Variants in LILRB1 observed in about 807,000 individuals in gnomAD.
LILRB1 encodes the protein leukocyte immunoglobulin-like receptor subfamily B member 1.
In LILRB1, 59 loss-of-function variants were observed where a neutral mutation model predicts 74.6. The observed-to-expected ratio is 0.79, with a 90% CI of 0.64 to 0.98. The LOEUF is 0.98. Ranked by LOEUF, LILRB1 falls within the 50% of genes least tolerant of loss-of-function variation. The pLI is 0.00. For synonymous variants in LILRB1, 328 were observed against 333.9 expected (o/e 0.98, Z 0.19); for missense variants, 804 against 822.6 (o/e 0.98, Z 0.28).
chr19:54,624,644 C>A (rs1298810093), intron 1 of LILRB1, among the ~76,000 whole-genome samples: 2 of 152,082 alleles, frequency 1.3e-5, no homozygotes, highest in East Asian at 1.9e-4. Context: ...TAGGAAAGGG[C>A]AGGTAGTTCC....
chr19:54,634,632 G>T lies in LILRB1; in HGVS notation c.1364-9G>T. The T allele has an allele frequency of 1.2e-6, 2 of 1,610,732 alleles. No individual in the cohort carries two copies. Among genetic ancestry groups the T allele is most frequent in the South Asian group, 2.2e-5 (2 of 90,728 alleles). On this transcript the variant is annotated splice_polypyrimidine_tract_variant and intron_variant, in intron 9 of 14. Coordinates refer to ENST00000324602, the MANE Select transcript of LILRB1 (RefSeq NM_001081637.3). ...CATCACCCCCATCCCTGACATCATC[G>T]TGCTCAAGGTCTGGGAAGGCACCTG...
rs1788886927 is a variant in LILRB1 at position 54,636,635 on chromosome 19, A to G, written c.1795A>G (p.Arg599Gly). 1.9e-6 allele frequency: 3 copies of G among 1,610,754 alleles called. No homozygotes were observed. Among genetic ancestry groups the G allele is most frequent in the Non-Finnish European group, 2.5e-6 (3 of 1,178,900 alleles). ...DTKDRQAEEDRQMDTEAAASE... is the reference protein window; with the variant it reads ...DTKDRQAEEDGQMDTEAAASE... Reference sequence around the variant, plus strand: ...AAAGGACAGACAGGCGGAAGAGGACAGGCAGATGGACACTGAGGTGAGTCC... The same window carrying G: ...AAAGGACAGACAGGCGGAAGAGGACGGGCAGATGGACACTGAGGTGAGTCC... The change falls in exon 14 of 15, where the codon AGG (arginine) becomes GGG (glycine). Residue 599 changes from arginine to glycine, a missense_variant. Arg to Gly is a moderately radical substitution (Grantham distance 125). Coordinates refer to ENST00000324602, the MANE Select transcript of LILRB1 (RefSeq NM_001081637.3).
rs1307862045 is a variant in LILRB1, at chr19:54,637,755, G to C, written c.*877G>C. On this transcript the variant is annotated 3_prime_UTR_variant, in exon 15 of 15. Transcript: ENST00000324602. ...CAATGAAAAAGAGAAAGAAAGAGCA[G>C]GCATGCATTTCCATATGGGAGTGAG... 1.3e-5 allele frequency among the ~76,000 whole-genome samples: 2 copies of C among 152,234 alleles called. No individual in the cohort carries two copies. Among genetic ancestry groups the C allele is most frequent in the Admixed American group, 1.3e-4 (2 of 15,278 alleles).
At chr19:54,636,180 G>A in intron 13 of LILRB1, 1 of 583,378 alleles carries the variant, frequency 1.7e-6, no homozygotes, top group Non-Finnish European at 3.2e-6. Context: ...TGAGAAGCCT[G>A]GACAGAGTGG....
upstream of LILRB1, among the ~76,000 whole-genome samples, chr19:54,616,984 G>A (rs2063325414): frequency 6.6e-6 from 1 of 152,134 alleles, no homozygotes; most frequent in African/African-American, 2.4e-5. Flanking sequence ...TGGTCACTCT[G>A]CATTTTGGGC....
Position 54,636,592 on chromosome 19 carries a change from T to C in LILRB1, c.1752T>C (p.Ser584=), listed in dbSNP as rs28414191. 0.058 allele frequency: 84,757 copies of C among 1,466,848 alleles called. 5,794 individuals carry two copies. Among genetic ancestry groups the C allele is most frequent in the African/African-American group, 0.15 (10,410 of 69,462 alleles). 90.9% of individuals were successfully genotyped at this position (1,466,848 alleles called of 1,614,324 possible). ...REMASPPSPL[S]GEFLDTKDRQ... ...TGGCCTCTCCTCCTTCCCCACTGTCTGGGGAATTCCTGGACACAAAGGACA... is the reference window on the plus strand; with the variant it reads ...TGGCCTCTCCTCCTTCCCCACTGTCCGGGGAATTCCTGGACACAAAGGACA... The change falls in exon 14 of 15, where the codon TCT becomes TCC. Residue 584 remains serine (S), a synonymous_variant. Transcript: ENST00000324602.
At chr19:54,621,759 C>T (rs956785478) in intron 1 of LILRB1, among the ~76,000 whole-genome samples, 1 of 152,032 alleles carries the variant, frequency 6.6e-6, no homozygotes, top group Non-Finnish European at 1.5e-5. Flanking sequence ...AAGTTCTTTG[C>T]CTGGACTAAT....
chr19:54,633,456 G>A, intron 7 of LILRB1, 138 bp downstream of exon 7: 1 of 1,319,262 alleles, frequency 7.6e-7, no homozygotes, highest in South Asian at 1.4e-5. Context: ...CAGAGGGAAG[G>A]AGGAGAACAG....
intron 1 of LILRB1, among the ~76,000 whole-genome samples, chr19:54,624,358 C>T (rs922557092): frequency 2.0e-5 from 3 of 151,988 alleles, no homozygotes; most frequent in African/African-American, 7.3e-5. Context: ...CAGACACACA[C>T]TTTTGTCTCT....
rs8101262 is a variant in LILRB1 at position 54,636,939 on chromosome 19, C to G, written c.*61C>G. ...TCTGGAATGCATGGGAGCTGCCCCCCCAGTGGACACCATTGGACCCCACCC... is the reference window on the plus strand; with the variant it reads ...TCTGGAATGCATGGGAGCTGCCCCCGCAGTGGACACCATTGGACCCCACCC... On this transcript the variant is annotated 3_prime_UTR_variant, in exon 15 of 15. Coordinates refer to ENST00000324602, the MANE Select transcript of LILRB1 (RefSeq NM_001081637.3). The G allele has an allele frequency of 2.8e-4, 448 of 1,603,198 alleles. 4 individuals carry two copies. The South Asian group carries it at 3.0e-3, about 11-fold the overall frequency.
intron 13 of LILRB1, chr19:54,635,950 C>T (rs1350601288): frequency 3.4e-6 from 2 of 583,784 alleles, no homozygotes; most frequent in Non-Finnish European, 3.3e-6. Context: ...AGGGAGCTCA[C>T]TGTGGATGGG....
In LILRB1 at chr19:54,636,871, T is replaced by C. The variant is rs751405593; in HGVS notation, c.1952T>C (p.Ile651Thr). ...AVPSIYATLA[I>T]H is the part of the protein sequence containing the mutation. ...CCCAGCATCTACGCCACTCTGGCCATCCACTAGCCCAGGGGGGGACGCAGA... is the reference window on the plus strand; with the variant it reads ...CCCAGCATCTACGCCACTCTGGCCACCCACTAGCCCAGGGGGGGACGCAGA... Residue 651 changes from isoleucine (I) to threonine (T), a missense_variant, in exon 15 of 15, where the codon ATC becomes ACC. Transcript: ENST00000324602. 1 of 1,613,220 alleles carries C rather than the reference T, an allele frequency of 6.2e-7. No individual in the cohort carries two copies.
At chr19:54,620,419 C>T (rs1055058854) in intron 1 of LILRB1, among the ~76,000 whole-genome samples, 6 of 151,878 alleles carry the variant, frequency 4.0e-5, no homozygotes, top group East Asian at 1.9e-4. Context: ...AGTGCAGTGG[C>T]GTGATTTCGG....
At chr19:54,621,541 T>G (rs1011747898) in intron 1 of LILRB1, among the ~76,000 whole-genome samples, 1 of 151,674 alleles carries the variant, frequency 6.6e-6, no homozygotes, top group African/African-American at 2.4e-5. Flanking sequence ...TTTTGTTTTT[T>G]TTTTTTCATG....
Position 54,634,033 on chromosome 19 carries a change from G to A in LILRB1, c.1363+12G>A, listed in dbSNP as rs1384015137. 1 of 1,585,922 alleles carries A rather than the reference G, an allele frequency of 6.3e-7. No homozygotes were observed. Among genetic ancestry groups the A allele is most frequent in the South Asian group, 1.2e-5 (1 of 86,880 alleles). The stretch of plus-strand genomic sequence containing the variant: ...GGATCCCCAGAGTGGTGAGTGACGG[G>A]CTCTGAGTGGGAGGTGGGCAGGGTC... On this transcript the variant is annotated intron_variant, in intron 9 of 14. Transcript: ENST00000324602.
In LILRB1 at chr19:54,621,431, T is replaced by C. The variant is rs559847424; in HGVS notation, c.-166+4082T>C. 2.0e-5 allele frequency among the ~76,000 whole-genome samples: 3 copies of C among 152,322 alleles called. No individual in the cohort carries two copies. The East Asian group carries it at 5.8e-4, about 29-fold the overall frequency. ...TGAATTTCTCTGATGATTAATGATG[T>C]TGAGCATTTTTTAATGTGTTTGTTG... On this transcript the variant is annotated intron_variant, in intron 1 of 15. Transcript: ENST00000396331.
rs773448827 is a variant in LILRB1, at chr19:54,634,780, G to A, written c.1486+17G>A. 4.3e-6 allele frequency: 7 copies of A among 1,612,666 alleles called. No individual in the cohort carries two copies. The South Asian group carries it at 5.5e-5, about 13-fold the overall frequency. On this transcript the variant is annotated intron_variant, in intron 10 of 14. Transcript: ENST00000324602. ...GGACATCGAGTGAGTAGGGAATGGG[G>A]GGACCCTGAGGGCTGACCGAGGGTG... is the stretch of plus-strand genomic sequence containing the variant.
chr19:54,631,941 A>C lies in LILRB1; in HGVS notation c.365A>C (p.Tyr122Ser). Residue 122 changes from tyrosine (Y) to serine (S), a missense_variant, in exon 5 of 15, where the codon TAC (tyrosine) becomes TCC (serine). Coordinates refer to ENST00000324602, the MANE Select transcript of LILRB1 (RefSeq NM_001081637.3). Reference sequence around the variant, plus strand: ...GTGCCTCCTTCTCTCCTAGGAGCCTACATCAAACCCACCCTCTCAGCCCAG... The same window carrying C: ...GTGCCTCCTTCTCTCCTAGGAGCCTCCATCAAACCCACCCTCTCAGCCCAG... ...DPLELVVTGAYIKPTLSAQPS... is the reference protein window; with the variant it reads ...DPLELVVTGASIKPTLSAQPS... The C allele has an allele frequency of 6.2e-7, 1 of 1,612,532 alleles. No homozygotes were observed. The highest frequency in any genetic ancestry group is 2.2e-5 in the East Asian group (1 of 44,866).
In LILRB1 at chr19:54,636,948, A is replaced by T. The variant is rs1180911120; in HGVS notation, c.*70A>T. The T allele has an allele frequency of 4.0e-5, 64 of 1,584,574 alleles. No individual in the cohort carries two copies. Among genetic ancestry groups the T allele is most frequent in the Admixed American group, 1.0e-4 (6 of 58,918 alleles). On this transcript the variant is annotated 3_prime_UTR_variant, in exon 15 of 15. Coordinates refer to ENST00000324602, the MANE Select transcript of LILRB1 (RefSeq NM_001081637.3). ...CATGGGAGCTGCCCCCCCAGTGGACACCATTGGACCCCACCCAGCCTGGAT... is the reference window on the plus strand; with the variant it reads ...CATGGGAGCTGCCCCCCCAGTGGACTCCATTGGACCCCACCCAGCCTGGAT...
Sources: allele counts gnomAD v4.1 joint callset (sites outside exome capture counted in the v4.1 genomes callset), GRCh38; gene constraint gnomAD v4.1.1; transcripts MANE v1.5; gene names NCBI Gene and HGNC (gene_info 2026-07-23, HGNC 2026-07-21).